The following EP400 variants were observed in gnomAD, a reference collection of about 807,000 sequenced individuals.
EP400 encodes E1A binding protein p400.
In EP400, 105 loss-of-function variants were observed where a neutral mutation model predicts 354.1. That is an observed-to-expected ratio of 0.30 (90% CI 0.25 to 0.35). The LOEUF (loss-of-function observed/expected upper bound fraction) is 0.35. Ranked by LOEUF, EP400 falls within the 10% of genes least tolerant of loss-of-function variation. EP400 has a pLI of 1.00. For synonymous variants in EP400, 1,646 were observed against 1,716.9 expected (o/e 0.96, Z 1.02); for missense variants, 3,280 against 4,121.0 (o/e 0.80, Z 5.59).
At chr12:132,062,864 T>C (rs1042599798) in intron 47 of EP400, among the ~76,000 whole-genome samples, 163 bp downstream of exon 47, 2 of 152,224 alleles carry the variant, frequency 1.3e-5, no homozygotes, top group Non-Finnish European at 2.9e-5. Context: ...GGTCTAAAAT[T>C]TCCCATGTCA....
intron 51 of EP400, among the ~76,000 whole-genome samples, chr12:132,071,860 T>C (rs1269887348): frequency 6.6e-6 from 1 of 152,216 alleles, no homozygotes; most frequent in Non-Finnish European, 1.5e-5. Context: ...ATACTATAAG[T>C]ACTTTGTTCA....
At chr12:132,072,552 T>C (rs564046643) in intron 51 of EP400, among the ~76,000 whole-genome samples, 1 of 152,364 alleles carries the variant, frequency 6.6e-6, no homozygotes, top group Admixed American at 6.5e-5. Context: ...GTCTTTGAAA[T>C]TTGTTGAAAC....
At position 131,986,617 on chromosome 12, in the gene EP400, C is replaced by G; in HGVS notation, c.2033C>G (p.Pro678Arg). The G allele has an allele frequency of 6.2e-7, 1 of 1,614,064 alleles. No individual in the cohort carries two copies. The highest frequency in any genetic ancestry group is 8.5e-7 in the Non-Finnish European group (1 of 1,180,014). The change falls in exon 6 of 53, where the codon CCA becomes CGA. Residue 678 changes from proline to arginine, a missense_variant. This residue lies in a region of EP400 where 800 missense variants were observed against 840.0 expected (regional missense o/e 0.95). Coordinates refer to ENST00000389561, the MANE Select transcript of EP400 (RefSeq NM_015409.5). ...CTCGCGCCTGTGAGTGGCTCCGGCC[C>G]AGGACCCTCCCCTGCTCGATCCTCT... ...SSLAPVSGSGPGPSPARSSPV... is the reference protein window; with the variant it reads ...SSLAPVSGSGRGPSPARSSPV...
chr12:132,056,177 T>G (rs925516534), intron 45 of EP400, among the ~76,000 whole-genome samples: 2 of 152,058 alleles, frequency 1.3e-5, no homozygotes, highest in Non-Finnish European at 2.9e-5. Flanking sequence ...GGAGCTCAGA[T>G]TTGTATCTCG....
At position 132,075,299 on chromosome 12, in the gene EP400, G is replaced by A. The variant is rs1449734662; in HGVS notation, c.9022-1217G>A. Among the ~76,000 whole-genome samples, 1 of 151,948 alleles carries A rather than the reference G, an allele frequency of 6.6e-6. No individual in the cohort carries two copies. The highest frequency in any genetic ancestry group is 1.5e-5 in the Non-Finnish European group (1 of 68,004). ...TGTGCGACCCTGGAGATCACGGGGT[G>A]CGTCTCCATGTGGCCAGCGATCCCG... On this transcript the variant is annotated intron_variant, in intron 51 of 52. Transcript: ENST00000389561. This position sits in a 1 kb window ranked among gnomAD's most constrained non-coding sequence, Gnocchi z 4.5.
intron 45 of EP400, among the ~76,000 whole-genome samples, chr12:132,058,625 C>T (rs1895592676): frequency 6.6e-6 from 1 of 152,114 alleles, no homozygotes; most frequent in Non-Finnish European, 1.5e-5. Flanking sequence ...GCTGGGGTTA[C>T]AGGCGTGAGC....
intron 47 of EP400, among the ~76,000 whole-genome samples, chr12:132,063,053 T>C (rs777379065): frequency 3.9e-5 from 6 of 152,186 alleles, no homozygotes; most frequent in Non-Finnish European, 8.8e-5. Flanking sequence ...TGAGAAGATA[T>C]TCCTCAGCAG....
At chr12:132,076,859 C>T (rs969101208) in intron 52 of EP400, among the ~76,000 whole-genome samples, 4 of 152,190 alleles carry the variant, frequency 2.6e-5, no homozygotes, top group Non-Finnish European at 5.9e-5. Context: ...TCCTGCAAGT[C>T]GCAGACACTG....
chr12:132,066,288 G>C (rs1256592156), intron 48 of EP400: 1 of 159,996 alleles, frequency 6.3e-6, no homozygotes, highest in Non-Finnish European at 1.4e-5. Context: ...TGTAATCTTA[G>C]TCTCTATACA....
chr12:132,029,424 G>C lies in EP400; in HGVS notation c.5382-277G>C. 1.9e-6 allele frequency: 1 copy of C among 519,060 alleles called. No homozygotes were observed. The highest frequency in any genetic ancestry group is 3.4e-5 in the Admixed American group (1 of 29,344). 32.2% of individuals were successfully genotyped at this position (519,060 alleles called of 1,614,324 possible). On this transcript the variant is annotated intron_variant, in intron 27 of 52. Coordinates refer to ENST00000389561, the MANE Select transcript of EP400 (RefSeq NM_015409.5). This position sits in a 1 kb window ranked among gnomAD's most constrained non-coding sequence, Gnocchi z 4.7. Reference sequence around the variant, plus strand: ...AAGAGAATGGCTTATCTCTGACCTGGTGCCTGCGGCCTAGGGAATCCACCC... The same window carrying C: ...AAGAGAATGGCTTATCTCTGACCTGCTGCCTGCGGCCTAGGGAATCCACCC...
Position 132,027,511 on chromosome 12 carries a change from C to G in EP400, c.5089C>G (p.Pro1697Ala), listed in dbSNP as rs371899806. ...EPGTASKPASPIGGPTQEEKT... is the reference protein window; with the variant it reads ...EPGTASKPASAIGGPTQEEKT... ...CGGAACGGCCTCCAAACCAGCTTCT[C>G]CCATTGGAGGGCCGACCCAGGTAAG... The change falls in exon 26 of 53, where the codon CCC (proline) becomes GCC (alanine). Residue 1697 changes from proline to alanine, a missense_variant. Transcript: ENST00000389561. The surrounding 1 kb of genome is among the most constrained non-coding windows in gnomAD (Gnocchi z 4.9). 1.2e-6 allele frequency: 2 copies of G among 1,613,244 alleles called. No homozygotes were observed. Among genetic ancestry groups the G allele is most frequent in the East Asian group, 4.5e-5 (2 of 44,850 alleles).
At position 132,064,825 on chromosome 12, in the gene EP400, C is replaced by T. The variant is rs771445402; in HGVS notation, c.8492C>T (p.Ala2831Val). ...QQSPQLTTVT[A>V]PRPGALLTGT... ...AGCCCCCAGCTCACGACGGTCACGG[C>T]CCCAAGGCCTGGTGCCCTGCTGACG... The change falls in exon 48 of 53, where the codon GCC becomes GTC. Residue 2831 changes from alanine (A) to valine (V), a missense_variant. Coordinates refer to ENST00000389561, the MANE Select transcript of EP400 (RefSeq NM_015409.5). 8.1e-6 allele frequency: 13 copies of T among 1,612,474 alleles called. No homozygotes were observed. Among genetic ancestry groups the T allele is most frequent in the East Asian group, 2.2e-5 (1 of 44,862 alleles).
chr12:131,972,888 C>T (rs1225623213), intron 2 of EP400, among the ~76,000 whole-genome samples: 3 of 152,016 alleles, frequency 2.0e-5, no homozygotes, highest in African/African-American at 7.3e-5. Flanking sequence ...TGTACCACCA[C>T]ACCCAGCTAA....
intron 1 of EP400, among the ~76,000 whole-genome samples, chr12:131,953,149 A>G (rs1891573407): frequency 6.6e-6 from 1 of 152,220 alleles, no homozygotes; most frequent in Non-Finnish European, 1.5e-5. Context: ...CAGTTCCTGA[A>G]CAGATGTACA....
chr12:132,076,468 C>T (rs1161197139), intron 51 of EP400, 48 bp from the exon 52 acceptor site: 5 of 1,573,718 alleles, frequency 3.2e-6, no homozygotes, highest in Non-Finnish European at 4.4e-6. Flanking sequence ...TCTTTTTGTG[C>T]ACATACTCCT....
Position 132,043,650 on chromosome 12 carries a change from A to C in EP400, c.6372A>C (p.Thr2124=), listed in dbSNP as rs1189277830. Residue 2124 remains threonine (T), a synonymous_variant, in exon 34 of 53, where the codon ACA becomes ACC. Transcript: ENST00000389561. Reference sequence around the variant, plus strand: ...AAAATATACTTTTGGAACAGCTTACACCAATTGAAAAATATGCTTTAAATT... The same window carrying C: ...AAAATATACTTTTGGAACAGCTTACCCCAATTGAAAAATATGCTTTAAATT... ...EELADFMEQL[T]PIEKYALNYL... The C allele has an allele frequency of 6.2e-7, 1 of 1,610,214 alleles. No homozygotes were observed. Among genetic ancestry groups the C allele is most frequent in the Non-Finnish European group, 8.5e-7 (1 of 1,178,952 alleles).
intron 39 of EP400, among the ~76,000 whole-genome samples, chr12:132,046,437 T>C (rs2136580426): frequency 6.6e-6 from 1 of 152,360 alleles, no homozygotes; most frequent in South Asian, 2.1e-4. Flanking sequence ...CGTGGCGTAC[T>C]TAAAGAAAAG....
In EP400 at chr12:132,018,333, G is replaced by A; in HGVS notation, c.4234G>A (p.Ala1412Thr). Residue 1412 changes from alanine to threonine, a missense_variant, in exon 21 of 53, where the codon GCC becomes ACC. Transcript: ENST00000389561. This position sits in a 1 kb window ranked among gnomAD's most constrained non-coding sequence, Gnocchi z 4.0. ...KLMEEISTSA[A>T]PAARPAAAKL... ...CATGGAGGAAATCTCCACTTCAGCA[G>A]CCCCAGCAGCCCGACCAGCAGCAGC... 1 of 1,611,732 alleles carries A rather than the reference G, an allele frequency of 6.2e-7. No individual in the cohort carries two copies. Among genetic ancestry groups the A allele is most frequent in the African/African-American group, 1.3e-5 (1 of 74,758 alleles).
chr12:131,953,790 A>C (rs1891599435), intron 1 of EP400, among the ~76,000 whole-genome samples: 1 of 152,164 alleles, frequency 6.6e-6, no homozygotes, highest in South Asian at 2.1e-4. Flanking sequence ...TTATTATGAA[A>C]AATTTCAAAG....
Sources: allele counts gnomAD v4.1 joint callset (sites outside exome capture counted in the v4.1 genomes callset), GRCh38; gene constraint gnomAD v4.1.1; regional missense constraint gnomAD v4.1.1; non-coding constraint Gnocchi (gnomAD v3.1); transcripts MANE v1.5; gene names NCBI Gene and HGNC (gene_info 2026-07-23, HGNC 2026-07-21).